The following FARS2 variants were observed in gnomAD, a reference collection of about 807,000 sequenced individuals.
FARS2 encodes phenylalanine--tRNA ligase, mitochondrial.
Under a neutral mutation model 46.4 loss-of-function variants are expected in FARS2, and 40 were observed. The observed-to-expected ratio is 0.86, with a 90% CI of 0.67 to 1.12. FARS2 has a LOEUF of 1.12. FARS2 is among the 50% of genes most tolerant of loss of function. The pLI, the probability that FARS2 is intolerant of heterozygous loss-of-function variation, is 0.00. For missense variants in FARS2, 513 were observed against 567.9 expected, an observed-to-expected ratio of 0.90 and a Z score of 0.98; for synonymous variants, 234 against 214.9, an observed-to-expected ratio of 1.09 and a Z score of -0.78.
intron 4 of FARS2, among the ~76,000 whole-genome samples, chr6:5,483,875 A>G (rs1766621770): frequency 6.6e-6 from 1 of 152,104 alleles, no homozygotes; most frequent in African/African-American, 2.4e-5. Context: ...CTAAGCCTGA[A>G]GTGGTTCATG....
chr6:5,308,637 A>G (rs1242604934), intron 1 of FARS2, among the ~76,000 whole-genome samples: 1 of 152,236 alleles, frequency 6.6e-6, no homozygotes, highest in African/African-American at 2.4e-5. Context: ...TTACCTTATC[A>G]TGCGCTGGTA....
intron 4 of FARS2, among the ~76,000 whole-genome samples, chr6:5,544,765 G>A (rs565053208): frequency 4.8e-4 from 73 of 152,334 alleles, no homozygotes; most frequent in African/African-American, 1.6e-3. Context: ...ACTATGGCAT[G>A]TTTTGAATGT....
intron 5 of FARS2, among the ~76,000 whole-genome samples, chr6:5,546,845 G>A (rs1771054762): frequency 6.6e-6 from 1 of 150,806 alleles, no homozygotes; most frequent in Non-Finnish European, 1.5e-5. Context: ...TTCCTTTTTA[G>A]AGTTTTCATT....
intron 4 of FARS2, among the ~76,000 whole-genome samples, chr6:5,480,788 G>A (rs912663722): frequency 6.6e-6 from 1 of 152,164 alleles, no homozygotes; most frequent in African/African-American, 2.4e-5. Flanking sequence ...TGAGTTGCCT[G>A]CAATCTTTTA....
intron 6 of FARS2, among the ~76,000 whole-genome samples, chr6:5,696,818 ACATT>A (rs1419293892): frequency 3.9e-5 from 6 of 152,184 alleles, no homozygotes; most frequent in Non-Finnish European, 5.9e-5. Flanking sequence ...AATGTGGAAG[ACATT>A]CATTTATTAG....
intron 1 of FARS2, among the ~76,000 whole-genome samples, chr6:5,354,039 C>A (rs1757760872): frequency 6.7e-6 from 1 of 148,150 alleles, no homozygotes; most frequent in Non-Finnish European, 1.5e-5. Context: ...CCAAATCTTA[C>A]TATGTTAACA....
intron 1 of FARS2, among the ~76,000 whole-genome samples, chr6:5,333,109 A>C (rs1770912304): frequency 6.6e-6 from 1 of 151,854 alleles, no homozygotes; most frequent in African/African-American, 2.4e-5. Flanking sequence ...TTCATCACCA[A>C]ATACTTTTTT....
At chr6:5,286,660 A>T (rs546813383) in intron 1 of FARS2, among the ~76,000 whole-genome samples, 7 of 152,324 alleles carry the variant, frequency 4.6e-5, no homozygotes, top group African/African-American at 1.7e-4. Context: ...GTGTGTGTGT[A>T]TTATATACAT....
At chr6:5,278,300 G>T (rs555199935) in intron 1 of FARS2, among the ~76,000 whole-genome samples, 1 of 152,150 alleles carries the variant, frequency 6.6e-6, no homozygotes, top group Non-Finnish European at 1.5e-5. Context: ...TCATTAGTGC[G>T]CTTTGGTTTT....
intron 6 of FARS2, among the ~76,000 whole-genome samples, chr6:5,759,436 T>C (rs1264895071): frequency 6.6e-6 from 1 of 152,174 alleles, no homozygotes; most frequent in African/African-American, 2.4e-5. Context: ...AGTCATGTCT[T>C]GTTTGTTTTG....
At chr6:5,712,582 C>T (rs1295258188) in intron 6 of FARS2, among the ~76,000 whole-genome samples, 1 of 152,244 alleles carries the variant, frequency 6.6e-6, no homozygotes, top group Non-Finnish European at 1.5e-5. Context: ...ATGTGAGACA[C>T]ACAGGGCTAG....
chr6:5,601,162 A>C (rs1774487788), intron 5 of FARS2, among the ~76,000 whole-genome samples: 1 of 152,228 alleles, frequency 6.6e-6, no homozygotes, highest in Non-Finnish European at 1.5e-5. Context: ...TTGTTGTTCA[A>C]GCCACCGAGT....
At chr6:5,643,029 C>T (rs964484099) in intron 6 of FARS2, among the ~76,000 whole-genome samples, 10 of 152,106 alleles carry the variant, frequency 6.6e-5, no homozygotes, top group Admixed American at 1.3e-4. Flanking sequence ...TTAAAGAGAA[C>T]GACATTATGG....
intron 6 of FARS2, among the ~76,000 whole-genome samples, chr6:5,678,574 AAAT>A (rs1488401783): frequency 3.9e-5 from 6 of 152,218 alleles, no homozygotes; most frequent in African/African-American, 1.4e-4. Flanking sequence ...CTTTATAAGT[AAAT>A]AATCTCTCAG....
intron 4 of FARS2, among the ~76,000 whole-genome samples, chr6:5,497,067 T>C (rs1767514961): frequency 6.6e-6 from 1 of 152,156 alleles, no homozygotes; most frequent in African/African-American, 2.4e-5. Context: ...CAGCATTCAA[T>C]ATAAAAGTAA....
chr6:5,759,917 G>A (rs922213423), intron 6 of FARS2, among the ~76,000 whole-genome samples: 3 of 152,184 alleles, frequency 2.0e-5, no homozygotes, highest in Non-Finnish European at 4.4e-5. Context: ...CATGTTACTT[G>A]TATGATGAAT....
intron 3 of FARS2, among the ~76,000 whole-genome samples, chr6:5,425,241 A>G (rs1762782327): frequency 6.6e-6 from 1 of 152,154 alleles, no homozygotes; most frequent in South Asian, 2.1e-4. Flanking sequence ...TATATGCTCT[A>G]GTTTGGGCCA....
At chr6:5,250,278 C>T in the FARS2 span, among the ~76,000 whole-genome samples, 1 of 151,986 alleles carries the variant, frequency 6.6e-6, no homozygotes, top group Admixed American at 6.5e-5. Context: ...AGAATAAGTG[C>T]AATTTAGAAA....
chr6:5,426,016 A>C (rs1331712167), intron 3 of FARS2, among the ~76,000 whole-genome samples: 3 of 151,938 alleles, frequency 2.0e-5, no homozygotes, highest in African/African-American at 7.3e-5. Context: ...GCTTGAACCC[A>C]GGTGTGGTTT....
Sources: gnomAD v4.1 joint callset for allele counts (sites outside exome capture counted in the v4.1 genomes callset) on GRCh38, gnomAD v4.1.1 for gene constraint, MANE v1.5 for transcripts, NCBI Gene and HGNC (gene_info 2026-07-23, HGNC 2026-07-21) for gene names.